Variants in FOXJ3 observed in about 807,000 individuals in gnomAD.
FOXJ3 encodes the protein forkhead box protein J3.
FOXJ3 carries 22 observed loss-of-function variants against 76.1 expected under a neutral mutation model. The ratio of observed to expected loss-of-function variants is 0.29; its 90% CI spans 0.21 to 0.41. FOXJ3 has a LOEUF of 0.41. Ranked by LOEUF, FOXJ3 falls within the 10% of genes least tolerant of loss-of-function variation. The pLI, the probability that FOXJ3 is intolerant of heterozygous loss-of-function variation, is 1.00. For synonymous variants in FOXJ3, 269 were observed against 261.2 expected (o/e 1.03, Z -0.29); for missense variants, 613 against 762.1 (o/e 0.80, Z 2.30).
At chr1:42,193,843 TAAG>T (rs1646598504) in intron 8 of FOXJ3, among the ~76,000 whole-genome samples, 1 of 152,144 alleles carries the variant, frequency 6.6e-6, no homozygotes, top group African/African-American at 2.4e-5. Context: ...GTGATGGTAT[TAAG>T]AAGTGGGACC....
At chr1:42,321,486 T>G (rs1655426545) in intron 1 of FOXJ3, among the ~76,000 whole-genome samples, 1 of 152,168 alleles carries the variant, frequency 6.6e-6, no homozygotes, top group Non-Finnish European at 1.5e-5. Context: ...TCTGGATTAT[T>G]TACTTTTAAC....
chr1:42,266,314 C>T (rs1191904057), intron 3 of FOXJ3, among the ~76,000 whole-genome samples: 1 of 151,934 alleles, frequency 6.6e-6, no homozygotes, highest in Non-Finnish European at 1.5e-5. Context: ...TAAACAGCTA[C>T]AAAGAATGAT....
chr1:42,288,665 C>T (rs1653217719), intron 2 of FOXJ3, among the ~76,000 whole-genome samples: 1 of 152,152 alleles, frequency 6.6e-6, no homozygotes, highest in African/African-American at 2.4e-5. Context: ...TCTGAAGAGT[C>T]AAAACTATTT....
At chr1:42,224,824 C>G (rs766295716) in intron 5 of FOXJ3, among the ~76,000 whole-genome samples, 4 of 152,036 alleles carry the variant, frequency 2.6e-5, no homozygotes, top group Non-Finnish European at 5.9e-5. Flanking sequence ...CAGTGGCTCA[C>G]ATCTATAATC....
chr1:42,241,976 A>C (rs1649181255), intron 4 of FOXJ3, among the ~76,000 whole-genome samples: 1 of 152,216 alleles, frequency 6.6e-6, no homozygotes, highest in Non-Finnish European at 1.5e-5. Context: ...ACTATAGCCC[A>C]AGTCACTGAG....
chr1:42,193,428 G>C (rs1225222444), intron 8 of FOXJ3, among the ~76,000 whole-genome samples: 1 of 150,778 alleles, frequency 6.6e-6, no homozygotes, highest in Non-Finnish European at 1.5e-5. Context: ...TAGTGTGATG[G>C]AATGGAATTA....
intron 4 of FOXJ3, among the ~76,000 whole-genome samples, chr1:42,235,370 C>A (rs935005624): frequency 3.3e-5 from 5 of 152,176 alleles, no homozygotes; most frequent in Admixed American, 2.0e-4. Context: ...TAATGCCTCG[C>A]CCTGCTTCGG....
intron 4 of FOXJ3, among the ~76,000 whole-genome samples, chr1:42,232,296 C>G (rs2124479016): frequency 6.8e-6 from 1 of 147,610 alleles, no homozygotes; most frequent in Admixed American, 6.9e-5. Flanking sequence ...GATTTACAAT[C>G]CTTTCGGTAT....
In FOXJ3 at chr1:42,328,578, T is replaced by C. The variant is rs140744869; in HGVS notation, c.-18+6481A>G. On this transcript the variant is annotated intron_variant, in intron 1 of 12. Coordinates refer to ENST00000361346, the MANE Select transcript of FOXJ3 (RefSeq NM_014947.5). Reference sequence around the variant, plus strand: ...TTCTTAGAGCAACCAAGTGGCTTAGTAATTATTAGAAACGAGGCCTTTATT... The same window carrying C: ...TTCTTAGAGCAACCAAGTGGCTTAGCAATTATTAGAAACGAGGCCTTTATT... 4.1e-3 allele frequency among the ~76,000 whole-genome samples: 631 copies of C among 152,234 alleles called. 3 individuals are homozygous for C. Among genetic ancestry groups the C allele is most frequent in the African/African-American group, 0.014 (587 of 41,548 alleles).
At chr1:42,206,664 C>T (rs1163198591) in intron 5 of FOXJ3, among the ~76,000 whole-genome samples, 1 of 152,116 alleles carries the variant, frequency 6.6e-6, no homozygotes, top group African/African-American at 2.4e-5. Flanking sequence ...TAATTTAATA[C>T]ATTCATATAA....
intron 1 of FOXJ3, among the ~76,000 whole-genome samples, chr1:42,320,385 G>A (rs991924721): frequency 1.3e-5 from 2 of 152,098 alleles, no homozygotes; most frequent in Admixed American, 6.6e-5. Context: ...TAACTCACTA[G>A]ATAATCCTGA....
intron 3 of FOXJ3, among the ~76,000 whole-genome samples, chr1:42,266,732 T>C (rs578086281): frequency 3.3e-5 from 5 of 152,142 alleles, no homozygotes; most frequent in East Asian, 1.9e-4. Flanking sequence ...AAGAAAGTGA[T>C]TGACAGTGAC....
intron 6 of FOXJ3, among the ~76,000 whole-genome samples, chr1:42,203,290 C>T (rs1430445392): frequency 6.6e-6 from 1 of 152,232 alleles, no homozygotes; most frequent in Non-Finnish European, 1.5e-5. Context: ...CTTCCCCCAA[C>T]TGCATGTTTA....
intron 6 of FOXJ3, among the ~76,000 whole-genome samples, chr1:42,205,410 C>T (rs1646842248): frequency 6.6e-6 from 1 of 152,114 alleles, no homozygotes; most frequent in Non-Finnish European, 1.5e-5. Context: ...CAGAATTTGA[C>T]AATCTTTTTT....
intron 1 of FOXJ3, among the ~76,000 whole-genome samples, chr1:42,322,977 A>C (rs1454910529): frequency 6.6e-6 from 1 of 152,096 alleles, no homozygotes; most frequent in Non-Finnish European, 1.5e-5. Context: ...TCACCTATGG[A>C]GGGAAACATG....
intron 8 of FOXJ3, 35 bp from the exon 9 acceptor site, chr1:42,191,754 T>A: frequency 1.3e-6 from 2 of 1,589,974 alleles, no homozygotes; most frequent in Middle Eastern, 3.3e-4. Flanking sequence ...TGGTCAGATT[T>A]CAGTTGTATT....
rs534763161 is a variant in FOXJ3, at chr1:42,323,776, AT to A, written c.-18+11282del. 334 of 721,674 alleles carry A rather than the reference AT, an allele frequency of 4.6e-4. 1 individual carries two copies. In the African/African-American group the frequency reaches 5.9e-3, roughly 13 times the overall value. 44.7% of individuals were successfully genotyped at this position (721,674 alleles called of 1,614,324 possible). On this transcript the variant is annotated intron_variant, in intron 1 of 12. Coordinates refer to ENST00000361346, the MANE Select transcript of FOXJ3 (RefSeq NM_014947.5). The stretch of plus-strand genomic sequence containing the variant: ...ATAATCACCTTCAAATAATTGAAGG[AT>A]TATCTTGTGAAAGAAGGCAGACTAG...
chr1:42,187,225 G>GGTACTTACCCCCAAACACAC (rs1553154258), intron 11 of FOXJ3, among the ~76,000 whole-genome samples: 5 of 152,190 alleles, frequency 3.3e-5, no homozygotes, highest in Non-Finnish European at 7.3e-5. Context: ...GAGCAACACA[G>GGTACTTACCCCCAAACACAC]GTACTTACCC....
At chr1:42,201,711 C>T (rs72952313) in intron 6 of FOXJ3, among the ~76,000 whole-genome samples, 3,190 of 152,180 alleles carry the variant, frequency 0.021, 102 homozygotes, top group African/African-American at 0.073. Context: ...GGTTTTGCTA[C>T]TTAGGTTATG....
Sources: gnomAD v4.1 joint callset for allele counts (sites outside exome capture counted in the v4.1 genomes callset) on GRCh38, gnomAD v4.1.1 for gene constraint, MANE v1.5 for transcripts, NCBI Gene and HGNC (gene_info 2026-07-23, HGNC 2026-07-21) for gene names.